The following ARHGEF7 variants were observed in gnomAD, a reference collection of about 807,000 sequenced individuals.
The protein encoded by ARHGEF7 is Rho guanine nucleotide exchange factor 7, also known as PAK-interacting exchange factor beta.
ARHGEF7 carries 33 observed loss-of-function variants against 109.8 expected under a neutral mutation model. That is an observed-to-expected ratio of 0.30 (90% CI 0.23 to 0.40). The LOEUF (loss-of-function observed/expected upper bound fraction) is 0.40, where lower values mean the gene tolerates loss of function less well. Ranked by LOEUF, ARHGEF7 falls within the 10% of genes least tolerant of loss-of-function variation. The probability of loss-of-function intolerance (pLI) is 1.00; values close to 1 mark genes in which losing one functional copy is unlikely to be tolerated. For synonymous variants in ARHGEF7, 458 were observed against 424.6 expected (o/e 1.08, Z -0.97); for missense variants, 938 against 1,098.5 (o/e 0.85, Z 2.07).
intron 1 of ARHGEF7, among the ~76,000 whole-genome samples, chr13:111,147,690 CTTTTTTTTTT>C (rs11463808): frequency 1.2e-5 from 1 of 82,348 alleles, no homozygotes. Flanking sequence ...CAGAGGTCAC[CTTTTTTTTTT>C]TTTTTTTTTT....
At chr13:111,292,405 T>C in intron 19 of ARHGEF7, 111 bp downstream of exon 19, 1 of 1,532,944 alleles carries the variant, frequency 6.5e-7, no homozygotes, top group Non-Finnish European at 8.8e-7. Flanking sequence ...TTCTTGCTGT[T>C]CCTTGTCTCT....
At position 111,224,145 on chromosome 13, in the gene ARHGEF7, G is replaced by A. The variant is rs894275524; in HGVS notation, c.670+6265G>A. On this transcript the variant is annotated intron_variant, in intron 5 of 21. Transcript: ENST00000646102. The stretch of plus-strand genomic sequence containing the variant: ...GCTGGGATTACAGGCATGAGCCACC[G>A]CAGCCAGCGTCTACAGCATTTTTTA... 5.3e-5 allele frequency among the ~76,000 whole-genome samples: 8 copies of A among 152,206 alleles called. No homozygotes were observed. The East Asian group carries it at 5.8e-4, about 11-fold the overall frequency.
intron 15 of ARHGEF7, 52 bp from the exon 16 acceptor site, chr13:111,283,087 T>A: frequency 6.5e-7 from 1 of 1,542,330 alleles, no homozygotes; most frequent in South Asian, 1.2e-5. Flanking sequence ...CCTTTCGCGG[T>A]GAGCACGCGA....
chr13:111,205,654 G>C (rs1429503762), intron 3 of ARHGEF7, among the ~76,000 whole-genome samples: 6 of 152,074 alleles, frequency 3.9e-5, no homozygotes, highest in Non-Finnish European at 1.5e-5. Context: ...AGTTCTTATG[G>C]GAAGGCTCAT....
chr13:111,125,991 G>C (rs72670013), intron 1 of ARHGEF7, among the ~76,000 whole-genome samples: 26,661 of 152,146 alleles, frequency 0.18, 2,475 homozygotes, highest in Middle Eastern at 0.29. Flanking sequence ...AGCCTCACCT[G>C]CCCATGTGGA....
At chr13:111,289,428 G>C (rs1018999086) in intron 18 of ARHGEF7, among the ~76,000 whole-genome samples, 6 of 152,202 alleles carry the variant, frequency 3.9e-5, no homozygotes, top group Non-Finnish European at 8.8e-5. Flanking sequence ...CATTTACCCT[G>C]CTGGCATCTG....
chr13:111,271,903 T>G (rs1277250840), intron 9 of ARHGEF7, among the ~76,000 whole-genome samples: 1 of 152,204 alleles, frequency 6.6e-6, no homozygotes, highest in Non-Finnish European at 1.5e-5. Flanking sequence ...TTATTGGAAG[T>G]ATTTCTTGTT....
At chr13:111,163,225 A>G in intron 2 of ARHGEF7, among the ~76,000 whole-genome samples, 1 of 152,230 alleles carries the variant, frequency 6.6e-6, no homozygotes, top group Non-Finnish European at 1.5e-5. Context: ...TTTTGTAGGT[A>G]GTTTAAAGAA....
intron 2 of ARHGEF7, among the ~76,000 whole-genome samples, chr13:111,154,313 G>GT (rs1448367047): frequency 6.6e-6 from 1 of 152,218 alleles, no homozygotes; most frequent in Non-Finnish European, 1.5e-5. Context: ...TTTATCAGGG[G>GT]TGTGAACCGA....
At chr13:111,117,051 T>A (rs908605652) in intron 1 of ARHGEF7, among the ~76,000 whole-genome samples, 2 of 152,216 alleles carry the variant, frequency 1.3e-5, no homozygotes, top group African/African-American at 4.8e-5. Flanking sequence ...CTTTGCTGTT[T>A]GGATACTGGT....
At chr13:111,164,592 G>C (rs1438102141) in intron 2 of ARHGEF7, among the ~76,000 whole-genome samples, 2 of 152,214 alleles carry the variant, frequency 1.3e-5, no homozygotes, top group Admixed American at 1.3e-4. Flanking sequence ...CCCTGCAATT[G>C]AGTACTTGGT....
chr13:111,294,376 A>G, intron 19 of ARHGEF7: 1 of 985,400 alleles, frequency 1.0e-6, no homozygotes. Flanking sequence ...AGACCACAAC[A>G]CTCAAACACA....
chr13:111,259,325 T>C (rs1457160933), intron 8 of ARHGEF7, among the ~76,000 whole-genome samples: 2 of 152,142 alleles, frequency 1.3e-5, no homozygotes, highest in Admixed American at 1.3e-4. Context: ...GCAGTCCCAA[T>C]GGTGGTGACT....
chr13:111,116,021 C>T (rs1252605477), intron 1 of ARHGEF7, among the ~76,000 whole-genome samples: 2 of 152,106 alleles, frequency 1.3e-5, no homozygotes, highest in Admixed American at 6.5e-5. Context: ...GGGGGGCCGG[C>T]CCCGCTCCCT....
chr13:111,184,105 G>T (rs113384798), intron 2 of ARHGEF7, among the ~76,000 whole-genome samples: 1 of 152,122 alleles, frequency 6.6e-6, no homozygotes, highest in Non-Finnish European at 1.5e-5. Context: ...TTTCCCCGCC[G>T]TTCTCATGAT....
rs776200662 is a variant in ARHGEF7, at chr13:111,274,783, A to C, written c.1265A>C (p.Asn422Thr). 9.4e-6 allele frequency: 14 copies of C among 1,483,816 alleles called. No homozygotes were observed. The highest frequency in any genetic ancestry group is 3.5e-4 in the Middle Eastern group (2 of 5,704). The allele number at this position is 1,483,816 out of a possible 1,614,324, so 91.9% of individuals were successfully genotyped here. A position where few individuals can be genotyped will look rare whatever the true frequency, so the allele number is the denominator to read the frequency against. The change falls in exon 11 of 22, where the codon AAC (asparagine) becomes ACC (threonine). Residue 422 changes from asparagine to threonine, a missense_variant. Physicochemically the swap from Asn to Thr is moderately conservative, Grantham distance 65. Transcript: ENST00000646102. ...DIQKSMAAFK[N>T]LSAQCQEVRK... The stretch of plus-strand genomic sequence containing the variant: ...CAAAAATCCATGGCTGCCTTCAAAA[A>C]CCTTTCAGTAAGTGATTAAGCATAT...
intron 2 of ARHGEF7, among the ~76,000 whole-genome samples, chr13:111,202,872 T>C (rs2081357575): frequency 6.6e-6 from 1 of 152,248 alleles, no homozygotes; most frequent in Non-Finnish European, 1.5e-5. Context: ...AATGTGCATT[T>C]TCCCCCTCTC....
At chr13:111,292,659 G>A in intron 19 of ARHGEF7, 1 of 1,106,200 alleles carries the variant, frequency 9.0e-7, no homozygotes, top group Non-Finnish European at 1.1e-6. Context: ...ACAGCTGTAT[G>A]AACACTTTTC....
intron 19 of ARHGEF7, among the ~76,000 whole-genome samples, chr13:111,300,444 A>C (rs2093538357): frequency 6.6e-6 from 1 of 152,228 alleles, no homozygotes; most frequent in Non-Finnish European, 1.5e-5. Context: ...AGAGCAGTAC[A>C]GTCACAACCT....
Sources: allele counts gnomAD v4.1 joint callset (sites outside exome capture counted in the v4.1 genomes callset), GRCh38; gene constraint gnomAD v4.1.1; transcripts MANE v1.5; gene names NCBI Gene and HGNC (gene_info 2026-07-23, HGNC 2026-07-21).